CLIP2: variants seen among roughly 807,000 people sequenced by gnomAD.
CLIP2 encodes CAP-Gly domain-containing linker protein 2.
Under a neutral mutation model 111.7 loss-of-function variants are expected in CLIP2, and 41 were observed. The observed-to-expected ratio is 0.37, with a 90% CI of 0.29 to 0.48. The LOEUF is 0.48. CLIP2 is among the 20% of genes least tolerant of loss of function. CLIP2 has a pLI of 0.99. For synonymous variants in CLIP2, 660 were observed against 644.2 expected (o/e 1.02, Z -0.37); for missense variants, 1,160 against 1,422.1 (o/e 0.82, Z 2.96).
intron 2 of CLIP2, among the ~76,000 whole-genome samples, chr7:74,332,503 G>A (rs1352153821): frequency 1.1e-4 from 13 of 121,902 alleles, no homozygotes. Context: ...TTGCTATGTT[G>A]TCCAGGCTGG....
At position 74,376,114 on chromosome 7, in the gene CLIP2, G is replaced by T; in HGVS notation, c.1713G>T (p.Leu571=). The T allele has an allele frequency of 6.2e-7, 1 of 1,610,796 alleles. No individual in the cohort carries two copies. Among genetic ancestry groups the T allele is most frequent in the Non-Finnish European group, 8.5e-7 (1 of 1,178,458 alleles). Residue 571 remains leucine (L), a synonymous_variant, in exon 10 of 17, where the codon CTG becomes CTT. Coordinates refer to ENST00000223398, the MANE Select transcript of CLIP2 (RefSeq NM_003388.5). The surrounding 1 kb of genome is among the most constrained non-coding windows in gnomAD (Gnocchi z 7.1). The part of the protein sequence containing the change: ...GVLRDKYEKA[L]KAYQAEVDKL... ...TGCGGGATAAATACGAGAAGGCCCT[G>T]AAGGCCTACCAGGCGGAGGTGGACA...
Position 74,356,594 on chromosome 7 carries a change from G to A in CLIP2, c.988G>A (p.Val330Met), listed in dbSNP as rs781927013. ...CTCCGTCAGCTCTGTGGCCTCCTCC[G>A]TGGGGGGTCGGCCCAGCCGCAGTGG... The part of the protein sequence containing the change: ...ISSVSSVASS[V>M]GGRPSRSGLL... Residue 330 changes from valine (V) to methionine (M), a missense_variant, in exon 5 of 17, where the codon GTG becomes ATG. Physicochemically the swap from Val to Met is conservative, Grantham distance 21 (BLOSUM62 1). Transcript: ENST00000223398. 55 of 1,613,904 alleles carry A rather than the reference G, an allele frequency of 3.4e-5. No homozygotes were observed. The highest frequency in any genetic ancestry group is 4.5e-5 in the Non-Finnish European group (53 of 1,179,982).
Position 74,335,442 on chromosome 7 carries a change from G to A in CLIP2, c.122-3006G>A, listed in dbSNP as rs1789421279. On this transcript the variant is annotated intron_variant, in intron 2 of 16. Transcript: ENST00000223398. ...CCTCCTGGGCTCAAGTCATCCTCCT[G>A]TTTCAGCTTCCCGAGTAGCTGGGAT... Among the ~76,000 whole-genome samples, 6 of 152,200 alleles carry A rather than the reference G, an allele frequency of 3.9e-5. No individual in the cohort carries two copies. In the South Asian group the frequency reaches 1.2e-3, roughly 32 times the overall value.
At chr7:74,392,194 AC>A (rs1791308581) in intron 13 of CLIP2, among the ~76,000 whole-genome samples, 1 of 151,898 alleles carries the variant, frequency 6.6e-6, no homozygotes, top group Non-Finnish European at 1.5e-5. Context: ...TACTAAAAAT[AC>A]AAAAAATTAG....
intron 3 of CLIP2, among the ~76,000 whole-genome samples, chr7:74,344,480 C>T (rs1472208607): frequency 6.6e-6 from 1 of 152,128 alleles, no homozygotes; most frequent in South Asian, 2.1e-4. Context: ...CTCTTAGGCT[C>T]AAGCGATCCT....
intron 1 of CLIP2, among the ~76,000 whole-genome samples, chr7:74,308,085 C>A (rs1788543823): frequency 6.6e-6 from 1 of 152,124 alleles, no homozygotes; most frequent in Non-Finnish European, 1.5e-5. Context: ...CACATGTGAT[C>A]CTGAGGTCTC....
Position 74,405,338 on chromosome 7 carries a change from C to G in CLIP2, c.*1490C>G, listed in dbSNP as rs538119915. On this transcript the variant is annotated 3_prime_UTR_variant, in exon 17 of 17. Coordinates refer to ENST00000223398, the MANE Select transcript of CLIP2 (RefSeq NM_003388.5). ...TGTGAGGCCTCCCCCATCAGTGGAC[C>G]AGAGGGAGAAGCCCGATGCCCCATC... 1 of 152,352 alleles carries G rather than the reference C, an allele frequency of 6.6e-6. No homozygotes were observed. The highest frequency in any genetic ancestry group is 2.1e-4 in the South Asian group (1 of 4,824). 9.4% of individuals were successfully genotyped at this position (152,352 alleles called of 1,614,324 possible).
rs530458675 is a variant in CLIP2, at chr7:74,293,464, G to A, written c.-68+3730G>A. Among the ~76,000 whole-genome samples the A allele has an allele frequency of 1.1e-4, 16 of 152,270 alleles. 1 individual carries two copies. The South Asian group carries it at 3.3e-3, about 32-fold the overall frequency. On this transcript the variant is annotated intron_variant, in intron 1 of 16. Transcript: ENST00000223398. ...GCCTGAGTCCACGGGACCTCCCAGTGGGGGTCTCCTTCATCTTGGGGTGCA... is the reference window on the plus strand; with the variant it reads ...GCCTGAGTCCACGGGACCTCCCAGTAGGGGTCTCCTTCATCTTGGGGTGCA...
At chr7:74,295,572 A>G (rs1554725967) in intron 1 of CLIP2, among the ~76,000 whole-genome samples, 1 of 152,112 alleles carries the variant, frequency 6.6e-6, no homozygotes, top group Non-Finnish European at 1.5e-5. Flanking sequence ...TACTTTGCTC[A>G]TGTTCAGCTT....
chr7:74,378,069 G>A (rs1790842779), intron 10 of CLIP2, among the ~76,000 whole-genome samples: 1 of 151,982 alleles, frequency 6.6e-6, no homozygotes, highest in Non-Finnish European at 1.5e-5. Context: ...CAGGTGATCT[G>A]CCCGCCTCGG....
chr7:74,347,061 G>A (rs555219682), intron 3 of CLIP2, among the ~76,000 whole-genome samples: 22 of 151,848 alleles, frequency 1.4e-4, no homozygotes, highest in African/African-American at 4.6e-4. Flanking sequence ...AAAACAAAAA[G>A]AAAAACACCT....
rs181458530 is a variant in CLIP2 at position 74,384,531 on chromosome 7, C to T, written c.2480-1990C>T. ...TGCAATCTTGGCTCACTGCAACCTC[C>T]GCCTCCCAGGTTCAAGCGATTCTCC... On this transcript the variant is annotated intron_variant, in intron 11 of 16. Transcript: ENST00000223398. Among the ~76,000 whole-genome samples, 811 of 149,294 alleles carry T rather than the reference C, an allele frequency of 5.4e-3. 1 individual carries two copies. The highest frequency in any genetic ancestry group is 9.6e-3 in the Non-Finnish European group (649 of 67,414).
At chr7:74,354,067 G>T in intron 4 of CLIP2, 63 bp downstream of exon 4, 1 of 1,540,772 alleles carries the variant, frequency 6.5e-7, no homozygotes, top group Non-Finnish European at 8.8e-7. Context: ...GGGCGCAGGG[G>T]ATGGAGATGG....
At position 74,289,429 on chromosome 7, in the gene CLIP2, G is replaced by C. The variant is rs529285412; in HGVS notation, c.-373G>C. 5 of 148,230 alleles carry C rather than the reference G, an allele frequency of 3.4e-5. No individual in the cohort carries two copies. The highest frequency in any genetic ancestry group is 4.9e-5 in the African/African-American group (2 of 40,884). 9.2% of individuals were successfully genotyped at this position (148,230 alleles called of 1,614,324 possible). A position where few individuals can be genotyped will look rare whatever the true frequency, so the allele number is the denominator to read the frequency against. On this transcript the variant is annotated 5_prime_UTR_variant, in exon 1 of 17. Coordinates refer to ENST00000223398, the MANE Select transcript of CLIP2 (RefSeq NM_003388.5). ...GCCCCTTTTGTTCCCTCCCGGAGCC[G>C]GGCCGCTGGCTCCGCTGGCTCCGCT...
chr7:74,328,740 G>C (rs1428012496), intron 2 of CLIP2, among the ~76,000 whole-genome samples: 1 of 151,952 alleles, frequency 6.6e-6, no homozygotes, highest in Non-Finnish European at 1.5e-5. Context: ...CTGTGGTATT[G>C]GTAAAATGCC....
Position 74,403,727 on chromosome 7 carries a change from T to C in CLIP2, c.3130-110T>C. The C allele has an allele frequency of 3.6e-6, 4 of 1,108,046 alleles. No individual in the cohort carries two copies. The South Asian group carries it at 3.7e-5, about 10-fold the overall frequency. The allele number at this position is 1,108,046 out of a possible 1,614,324, so 68.6% of individuals were successfully genotyped here. A position where few individuals can be genotyped will look rare whatever the true frequency, so the allele number is the denominator to read the frequency against. On this transcript the variant is annotated intron_variant, in intron 16 of 16. Coordinates refer to ENST00000223398, the MANE Select transcript of CLIP2 (RefSeq NM_003388.5). ...GCCTTGGCACATGCAGTTCGCTCTATGCTCCTCCCCCACCCGGCCCCAACT... is the reference window on the plus strand; with the variant it reads ...GCCTTGGCACATGCAGTTCGCTCTACGCTCCTCCCCCACCCGGCCCCAACT...
At position 74,375,881 on chromosome 7, in the gene CLIP2, C is replaced by G. The variant is rs782145854; in HGVS notation, c.1486-6C>G. On this transcript the variant is annotated splice_polypyrimidine_tract_variant and splice_region_variant and intron_variant, in intron 9 of 16. Coordinates refer to ENST00000223398, the MANE Select transcript of CLIP2 (RefSeq NM_003388.5). ...CGCTGATCCCTGTCTCCCTCTCTCC[C>G]CACAGCTGACCACAGTGGCCGAGAA... The G allele has an allele frequency of 2.9e-5, 44 of 1,526,638 alleles. No homozygotes were observed. Among genetic ancestry groups the G allele is most frequent in the Non-Finnish European group, 3.5e-5 (40 of 1,136,230 alleles). 94.6% of individuals were successfully genotyped at this position (1,526,638 alleles called of 1,614,324 possible).
intron 10 of CLIP2, among the ~76,000 whole-genome samples, chr7:74,379,049 G>C (rs1790869350): frequency 6.6e-6 from 1 of 152,204 alleles, no homozygotes; most frequent in Admixed American, 6.5e-5. Context: ...CCTGAGCGGG[G>C]AGGTTTGAGG....
At chr7:74,315,208 G>A (rs1299097839) in intron 1 of CLIP2, among the ~76,000 whole-genome samples, 3 of 152,060 alleles carry the variant, frequency 2.0e-5, no homozygotes, top group African/African-American at 7.2e-5. Flanking sequence ...CCTGGGAGGT[G>A]GAGGTTGCAG....
Sources: gnomAD v4.1 joint callset for allele counts (sites outside exome capture counted in the v4.1 genomes callset) on GRCh38, gnomAD v4.1.1 for gene constraint, Gnocchi (gnomAD v3.1) non-coding constraint, MANE v1.5 for transcripts, NCBI Gene and HGNC (gene_info 2026-07-23, HGNC 2026-07-21) for gene names.